The following MARCHF8 variants were observed in gnomAD, a reference collection of about 807,000 sequenced individuals.
The protein encoded by MARCHF8 is E3 ubiquitin-protein ligase MARCHF8.
MARCHF8 carries 40 observed loss-of-function variants against 51.6 expected under a neutral mutation model. The observed-to-expected ratio is 0.77, with a 90% CI of 0.60 to 1.01. MARCHF8 has a LOEUF of 1.01. Ranked by LOEUF, MARCHF8 falls within the 50% of genes least tolerant of loss-of-function variation. MARCHF8 has a pLI of 0.00. For synonymous variants in MARCHF8, 263 were observed against 280.3 expected (o/e 0.94, Z 0.62); for missense variants, 685 against 708.6 (o/e 0.97, Z 0.38).
intron 3 of MARCHF8, among the ~76,000 whole-genome samples, chr10:45,476,721 C>T (rs550005846): frequency 1.3e-5 from 2 of 148,796 alleles, no homozygotes; most frequent in African/African-American, 2.5e-5. Flanking sequence ...ATACAAAATA[C>T]ACTTGAAATA....
chr10:45,588,768 G>A (rs2044644985), intron 1 of MARCHF8, among the ~76,000 whole-genome samples: 2 of 152,110 alleles, frequency 1.3e-5, no homozygotes, highest in African/African-American at 4.8e-5. Context: ...GGAGGCCAAG[G>A]TGGGTGGATC....
chr10:45,470,649 C>T (rs1295608692), intron 3 of MARCHF8, among the ~76,000 whole-genome samples: 2 of 152,166 alleles, frequency 1.3e-5, no homozygotes, highest in East Asian at 3.9e-4. Flanking sequence ...ATCTTGCTCA[C>T]CAGATCACTT....
At chr10:45,476,396 T>C (rs887111499) in intron 3 of MARCHF8, among the ~76,000 whole-genome samples, 2 of 152,106 alleles carry the variant, frequency 1.3e-5, no homozygotes, top group Non-Finnish European at 2.9e-5. Flanking sequence ...AGACCTCGTC[T>C]CTATAAAAAA....
intron 1 of MARCHF8, among the ~76,000 whole-genome samples, chr10:45,586,644 T>C (rs752476682): frequency 1.3e-5 from 2 of 152,150 alleles, no homozygotes; most frequent in African/African-American, 4.8e-5. Context: ...CTTGGTATTG[T>C]TAGTCTTTTT....
intron 3 of MARCHF8, 75 bp downstream of exon 3, chr10:45,489,289 AAAG>A: frequency 2.7e-6 from 3 of 1,129,254 alleles, no homozygotes; most frequent in Non-Finnish European, 3.9e-6. Context: ...AAAAAAAAAA[AAAG>A]AGTATAAACA....
At chr10:45,574,555 G>A (rs952414153) in intron 1 of MARCHF8, among the ~76,000 whole-genome samples, 1 of 152,170 alleles carries the variant, frequency 6.6e-6, no homozygotes, top group African/African-American at 2.4e-5. Flanking sequence ...AAATTACCTG[G>A]GCTGTACTGC....
rs186342003 is a variant in MARCHF8 at position 45,551,903 on chromosome 10, C to T, written c.-78-18614G>A. 2.1e-3 allele frequency among the ~76,000 whole-genome samples: 312 copies of T among 152,112 alleles called. 2 individuals are homozygous for T. The highest frequency in any genetic ancestry group is 7.2e-3 in the African/African-American group (300 of 41,498). ...CTATTGGTTTTGTTTCTTTGCAGAACTCTGACTGATACAATATATCACATA... is the reference window on the plus strand; with the variant it reads ...CTATTGGTTTTGTTTCTTTGCAGAATTCTGACTGATACAATATATCACATA... On this transcript the variant is annotated intron_variant, in intron 1 of 6. Transcript: ENST00000319836.
At chr10:45,537,419 A>G (rs1305933974), upstream of MARCHF8, among the ~76,000 whole-genome samples, 2 of 152,302 alleles carry the variant, frequency 1.3e-5, no homozygotes, top group African/African-American at 2.4e-5. Context: ...TTGGGGGGCC[A>G]AGGTGGGTGA....
intron 2 of MARCHF8, among the ~76,000 whole-genome samples, chr10:45,513,809 T>C (rs1463488581): frequency 2.0e-5 from 3 of 152,146 alleles, no homozygotes; most frequent in African/African-American, 2.4e-5. Context: ...CAAAGACCCT[T>C]TGTTCTGTCT....
chr10:45,538,333 G>C (rs568954560), upstream of MARCHF8, among the ~76,000 whole-genome samples: 274 of 152,254 alleles, frequency 1.8e-3, no homozygotes, highest in African/African-American at 6.4e-3. Context: ...AACATGGAAA[G>C]GAACAACTGG....
At chr10:45,468,990 G>A (rs1312247462) in intron 3 of MARCHF8, among the ~76,000 whole-genome samples, 1 of 152,086 alleles carries the variant, frequency 6.6e-6, no homozygotes, top group Non-Finnish European at 1.5e-5. Context: ...ACACCTGCGG[G>A]AAGAGGTTTG....
rs768808913 is a variant in MARCHF8, at chr10:45,454,815, C to T, written c.*3424G>A. ...ACATGCCAGTGTAAATTTGGTTTAACAATCAATTTCTATAAACATTGCATC... is the reference window on the plus strand; with the variant it reads ...ACATGCCAGTGTAAATTTGGTTTAATAATCAATTTCTATAAACATTGCATC... On this transcript the variant is annotated 3_prime_UTR_variant, in exon 8 of 8. Transcript: ENST00000453424. The T allele has an allele frequency of 6.6e-6, 1 of 152,242 alleles. No homozygotes were observed. The highest frequency in any genetic ancestry group is 1.5e-5 in the Non-Finnish European group (1 of 68,044). 9.4% of individuals were successfully genotyped at this position (152,242 alleles called of 1,614,324 possible). A position where few individuals can be genotyped will look rare whatever the true frequency, so the allele number is the denominator to read the frequency against.
chr10:45,563,673 A>C (rs537717421), intron 1 of MARCHF8, among the ~76,000 whole-genome samples: 6 of 152,362 alleles, frequency 3.9e-5, no homozygotes, highest in Admixed American at 1.3e-4. Context: ...AAAATGGCAA[A>C]TATTCATTAC....
At chr10:45,499,052 A>G (rs948832007) in intron 2 of MARCHF8, among the ~76,000 whole-genome samples, 3 of 152,120 alleles carry the variant, frequency 2.0e-5, no homozygotes, top group African/African-American at 7.2e-5. Context: ...TGGTTGCACT[A>G]TTTTACATTC....
chr10:45,560,562 C>T lies in MARCHF8; in HGVS notation c.-78-27273G>A, dbSNP rs557208774. On this transcript the variant is annotated intron_variant, in intron 1 of 6. Coordinates refer to the MARCHF8 transcript ENST00000319836. ...TGCCCACAGTGCCAGCTTGTCAAGG[C>T]CGCAGCTGCTGACTCTTTACAGCAC... Among the ~76,000 whole-genome samples, 27 of 152,326 alleles carry T rather than the reference C, an allele frequency of 1.8e-4. No individual in the cohort carries two copies. In the South Asian group the frequency reaches 5.6e-3, roughly 32 times the overall value.
intron 1 of MARCHF8, among the ~76,000 whole-genome samples, chr10:45,540,394 T>TA (rs2044033428): frequency 6.6e-6 from 1 of 152,076 alleles, no homozygotes; most frequent in Non-Finnish European, 1.5e-5. Context: ...CCCTCAGAAA[T>TA]AATGCCTTAT....
intron 3 of MARCHF8, 78 bp downstream of exon 3, chr10:45,489,289 A>G: frequency 8.9e-7 from 1 of 1,129,254 alleles, no homozygotes; most frequent in African/African-American, 1.6e-5. Flanking sequence ...AAAAAAAAAA[A>G]AAGAGTATAA....
chr10:45,470,333 G>A (rs1473216636), intron 3 of MARCHF8, among the ~76,000 whole-genome samples: 5 of 152,162 alleles, frequency 3.3e-5, no homozygotes, highest in South Asian at 2.1e-4. Context: ...CTGAGGGCCC[G>A]TCTGCTGGCT....
intron 2 of MARCHF8, 145 bp from the exon 3 acceptor site, chr10:45,489,562 T>C (rs2043045668): frequency 1.6e-6 from 1 of 642,484 alleles, no homozygotes; most frequent in Non-Finnish European, 2.7e-6. Context: ...TAGATGTATG[T>C]AGCCAGGCAG....
Sources: gnomAD v4.1 joint callset for allele counts (sites outside exome capture counted in the v4.1 genomes callset) on GRCh38, gnomAD v4.1.1 for gene constraint, MANE v1.5 for transcripts, NCBI Gene and HGNC (gene_info 2026-07-23, HGNC 2026-07-21) for gene names.